Variants in PIGF observed in about 807,000 individuals in gnomAD.
PIGF encodes phosphatidylinositol glycan anchor biosynthesis class F.
Under a neutral mutation model 26.0 loss-of-function variants are expected in PIGF, and 23 were observed. That is an observed-to-expected ratio of 0.88 (90% CI 0.64 to 1.25). PIGF has a LOEUF of 1.25. Ranked by LOEUF, PIGF falls within the 50% of genes most tolerant of loss-of-function variation. The pLI is 0.00. For missense variants in PIGF, 278 were observed against 249.9 expected (o/e 1.11, Z -0.76); for synonymous variants, 93 against 92.6 (o/e 1.00, Z -0.03).
At chr2:46,601,621 TA>T (rs1233701826) in intron 4 of PIGF, among the ~76,000 whole-genome samples, 1 of 152,092 alleles carries the variant, frequency 6.6e-6, no homozygotes. Flanking sequence ...CACTGAATAT[TA>T]AAACAAATGC....
rs1218477629 is a variant in PIGF at position 46,615,040 on chromosome 2, G to C, written c.125C>G (p.Thr42Arg). 6.2e-7 allele frequency: 1 copy of C among 1,604,616 alleles called. No homozygotes were observed. The highest frequency in any genetic ancestry group is 2.2e-5 in the East Asian group (1 of 44,784). The part of the protein sequence containing the change: ...ENFSILETHL[T>R]WLCICSGFVT... ...AAAACCAGAACAGATGCACAACCAT[G>C]TCAAGTGTGTTTCCAATATTGAGAA... is the stretch of plus-strand genomic sequence containing the variant. Residue 42 changes from threonine (T) to arginine (R), a missense_variant, in exon 2 of 6, where the codon ACA (threonine) becomes AGA (arginine). Physicochemically the swap from Thr to Arg is moderately conservative, Grantham distance 71. Coordinates refer to ENST00000281382, the MANE Select transcript of PIGF (RefSeq NM_002643.4).
chr2:46,613,010 T>A (rs1670475325), intron 3 of PIGF, among the ~76,000 whole-genome samples: 1 of 151,574 alleles, frequency 6.6e-6, no homozygotes, highest in African/African-American at 2.4e-5. Flanking sequence ...GAATAACCTG[T>A]CAGTTTAGTG....
intron 4 of PIGF, among the ~76,000 whole-genome samples, chr2:46,601,867 T>A (rs1003379762): frequency 6.6e-6 from 1 of 151,988 alleles, no homozygotes; most frequent in Admixed American, 6.6e-5. Flanking sequence ...AAGATTTTTG[T>A]TTAGTACTAT....
At position 46,616,978 on chromosome 2, in the gene PIGF, C is replaced by T; in HGVS notation, c.-30G>A. On this transcript the variant is annotated 5_prime_UTR_variant, in exon 1 of 6. Transcript: ENST00000281382. Reference sequence around the variant, plus strand: ...CGTCCAGCGGGGCTTACCTAACTCTCCCTCCCGCGGAAGGGAAGCGGGGAA... The same window carrying T: ...CGTCCAGCGGGGCTTACCTAACTCTTCCTCCCGCGGAAGGGAAGCGGGGAA... 1.9e-6 allele frequency: 1 copy of T among 536,646 alleles called. No individual in the cohort carries two copies. Among genetic ancestry groups the T allele is most frequent in the East Asian group, 3.4e-5 (1 of 29,252 alleles). 33.2% of individuals were successfully genotyped at this position (536,646 alleles called of 1,614,324 possible). A position where few individuals can be genotyped will look rare whatever the true frequency, so the allele number is the denominator to read the frequency against.
At chr2:46,594,465 A>C (rs903124093) in intron 4 of PIGF, among the ~76,000 whole-genome samples, 4 of 152,152 alleles carry the variant, frequency 2.6e-5, no homozygotes, top group African/African-American at 9.7e-5. Context: ...AGACAAGAGA[A>C]CACAAGTCAG....
At chr2:46,608,204 G>C (rs921222824) in intron 4 of PIGF, among the ~76,000 whole-genome samples, 3 of 152,124 alleles carry the variant, frequency 2.0e-5, no homozygotes, top group African/African-American at 7.2e-5. Flanking sequence ...TAAATCCTTT[G>C]TTGTCATTTC....
chr2:46,598,350 T>TCTTCTCATTC (rs1227813457), intron 4 of PIGF, among the ~76,000 whole-genome samples: 1 of 152,148 alleles, frequency 6.6e-6, no homozygotes, highest in African/African-American at 2.4e-5. Flanking sequence ...TGGTGATTCT[T>TCTTCTCATTC]TACTTCTCAT....
chr2:46,591,660 A>G, intron 5 of PIGF: 1 of 954,962 alleles, frequency 1.0e-6, no homozygotes, highest in East Asian at 9.8e-5. Context: ...TAAGTTATAA[A>G]GTATATAATG....
At chr2:46,603,206 T>C (rs552286272) in intron 4 of PIGF, among the ~76,000 whole-genome samples, 13 of 151,912 alleles carry the variant, frequency 8.6e-5, no homozygotes, top group African/African-American at 2.9e-4. Flanking sequence ...TGAAAGAAAT[T>C]GAAGAGGACA....
intron 4 of PIGF, among the ~76,000 whole-genome samples, chr2:46,597,430 T>G (rs75761976): frequency 3.3e-5 from 5 of 151,854 alleles, no homozygotes; most frequent in African/African-American, 1.2e-4. Context: ...TTTTTTTTTT[T>G]GAGGTGAAGT....
At chr2:46,610,048 T>A (rs1229062699) in intron 4 of PIGF, among the ~76,000 whole-genome samples, 1 of 152,178 alleles carries the variant, frequency 6.6e-6, no homozygotes, top group African/African-American at 2.4e-5. Flanking sequence ...AACAATAAAA[T>A]GAGGTATGCC....
intron 4 of PIGF, among the ~76,000 whole-genome samples, chr2:46,600,849 A>G (rs902609796): frequency 2.0e-5 from 3 of 152,142 alleles, no homozygotes; most frequent in Non-Finnish European, 2.9e-5. Flanking sequence ...AACGATGTTC[A>G]TAACACATTA....
At chr2:46,613,177 C>T (rs571645979) in intron 3 of PIGF, among the ~76,000 whole-genome samples, 1 of 152,034 alleles carries the variant, frequency 6.6e-6, no homozygotes, top group African/African-American at 2.4e-5. Context: ...CTATGATAAA[C>T]ATTATGTAAG....
intron 4 of PIGF, among the ~76,000 whole-genome samples, chr2:46,602,095 TATATTATTTA>T (rs1670077959): frequency 1.3e-5 from 2 of 151,860 alleles, no homozygotes; most frequent in Non-Finnish European, 2.9e-5. Context: ...ACAAACTGAG[TATATTATTTA>T]ATAAGTATAC....
intron 1 of PIGF, chr2:46,616,040 C>T (rs1369729270): frequency 8.7e-6 from 1 of 114,514 alleles, no homozygotes; most frequent in African/African-American, 4.3e-5. Context: ...ACTATACACA[C>T]ACACGCACAC....
intron 4 of PIGF, among the ~76,000 whole-genome samples, chr2:46,600,493 A>G (rs1248787298): frequency 6.6e-6 from 1 of 152,194 alleles, no homozygotes; most frequent in Admixed American, 6.5e-5. Flanking sequence ...GGTACATGGA[A>G]TACTTGTAAT....
At chr2:46,603,020 G>A (rs904724623) in intron 4 of PIGF, among the ~76,000 whole-genome samples, 4 of 151,852 alleles carry the variant, frequency 2.6e-5, no homozygotes, top group Non-Finnish European at 5.9e-5. Context: ...AAAGTTGCAG[G>A]ATACAAAATC....
chr2:46,596,589 C>G (rs1219627168), intron 4 of PIGF, among the ~76,000 whole-genome samples: 1 of 151,982 alleles, frequency 6.6e-6, no homozygotes, highest in Non-Finnish European at 1.5e-5. Context: ...TCTTCCATCC[C>G]TCCCCACTCC....
rs572988022 is a variant in PIGF at position 46,602,698 on chromosome 2, A to C, written c.437+9530T>G. ...CTTCAAGGTATTTTAAATACTTTTT[A>C]TTAATTAGAACTACAGCATAAGAAC... On this transcript the variant is annotated intron_variant, in intron 4 of 5. Transcript: ENST00000281382. 5.7e-4 allele frequency among the ~76,000 whole-genome samples: 86 copies of C among 152,074 alleles called. No individual in the cohort carries two copies. In the South Asian group the frequency reaches 0.017, roughly 30 times the overall value.
Sources: allele counts gnomAD v4.1 joint callset (sites outside exome capture counted in the v4.1 genomes callset), GRCh38; gene constraint gnomAD v4.1.1; transcripts MANE v1.5; gene names NCBI Gene and HGNC (gene_info 2026-07-23, HGNC 2026-07-21).